ELAPOR2: variants seen among roughly 807,000 people sequenced by gnomAD.
ELAPOR2 encodes the protein endosome/lysosome-associated apoptosis and autophagy regulator family member 2.
Under a neutral mutation model 120.7 loss-of-function variants are expected in ELAPOR2, and 89 were observed. The observed-to-expected ratio is 0.74, with a 90% CI of 0.62 to 0.88. The LOEUF is 0.88. Ranked by LOEUF, ELAPOR2 falls within the 40% of genes least tolerant of loss-of-function variation. The pLI, the probability that ELAPOR2 is intolerant of heterozygous loss-of-function variation, is 0.00. For missense variants in ELAPOR2, 1,134 were observed against 1,251.6 expected (o/e 0.91, Z 1.42); for synonymous variants, 444 against 444.9 (o/e 1.00, Z 0.03).
At position 86,991,189 on chromosome 7, in the gene ELAPOR2, G is replaced by T. The variant is rs548505277; in HGVS notation, c.190-26165C>A. 4.6e-5 allele frequency among the ~76,000 whole-genome samples: 7 copies of T among 152,296 alleles called. No individual in the cohort carries two copies. The South Asian group carries it at 1.5e-3, about 32-fold the overall frequency. On this transcript the variant is annotated intron_variant, in intron 1 of 21. Transcript: ENST00000450689. Reference sequence around the variant, plus strand: ...TATCAGTCCCAAGAACTACCAAAGTGCCTTCACAGACTTGGCACAGAGCAG... The same window carrying T: ...TATCAGTCCCAAGAACTACCAAAGTTCCTTCACAGACTTGGCACAGAGCAG...
intron 2 of ELAPOR2, among the ~76,000 whole-genome samples, chr7:86,948,221 A>G (rs1791084324): frequency 6.6e-6 from 1 of 152,068 alleles, no homozygotes; most frequent in Non-Finnish European, 1.5e-5. Context: ...GGCCAATCCT[A>G]CCTTCTCTAC....
Position 86,968,110 on chromosome 7 carries a change from G to A in ELAPOR2, c.190-3086C>T, listed in dbSNP as rs998729639. On this transcript the variant is annotated intron_variant, in intron 1 of 21. Transcript: ENST00000450689. Reference sequence around the variant, plus strand: ...AAACAGTGTGGTACAGTAAAATTGCGAAAGGTACGATGTATATTTTCCAAA... The same window carrying A: ...AAACAGTGTGGTACAGTAAAATTGCAAAAGGTACGATGTATATTTTCCAAA... Among the ~76,000 whole-genome samples, 7 of 152,232 alleles carry A rather than the reference G, an allele frequency of 4.6e-5. No homozygotes were observed. In the East Asian group the frequency reaches 5.8e-4, roughly 13 times the overall value.
intron 1 of ELAPOR2, among the ~76,000 whole-genome samples, chr7:86,967,974 A>G (rs539713785): frequency 6.6e-6 from 1 of 152,312 alleles, no homozygotes; most frequent in South Asian, 2.1e-4. Context: ...AATGGGTTTT[A>G]TTTTAAATTA....
rs1472539723 is a variant in ELAPOR2 at position 87,059,347 on chromosome 7, C to T, written c.167G>A (p.Arg56His). The change falls in exon 1 of 22, where the codon CGC (arginine) becomes CAC (histidine). Residue 56 changes from arginine to histidine, a missense_variant. Physicochemically the swap from Arg to His is conservative, Grantham distance 29 (BLOSUM62 0). Coordinates refer to ENST00000450689, the MANE Select transcript of ELAPOR2 (RefSeq NM_001142749.3). ...WAGDLPSSSS[R>H]PLPPCQEKDY... Reference sequence around the variant, plus strand: ...CACCTCCTGGCAAGGAGGAAGCGGGCGGCTGGAGGAGGAGGGCAGGTCCCC... The same window carrying T: ...CACCTCCTGGCAAGGAGGAAGCGGGTGGCTGGAGGAGGAGGGCAGGTCCCC... 1.0e-5 allele frequency: 13 copies of T among 1,247,900 alleles called. No homozygotes were observed. The highest frequency in any genetic ancestry group is 8.1e-6 in the Non-Finnish European group (8 of 988,618). 77.3% of individuals were successfully genotyped at this position (1,247,900 alleles called of 1,614,324 possible).
chr7:86,962,412 C>T (rs766517612), intron 2 of ELAPOR2, among the ~76,000 whole-genome samples: 3 of 152,178 alleles, frequency 2.0e-5, no homozygotes, highest in Non-Finnish European at 4.4e-5. Context: ...CCTAAATATT[C>T]GTCACTTACT....
At chr7:87,027,556 C>G (rs891032229) in intron 1 of ELAPOR2, among the ~76,000 whole-genome samples, 5 of 152,142 alleles carry the variant, frequency 3.3e-5, no homozygotes, top group African/African-American at 9.7e-5. Flanking sequence ...TTTGCAGAAG[C>G]AATAGACTTA....
chr7:86,922,287 C>T (rs1789867726), intron 10 of ELAPOR2, among the ~76,000 whole-genome samples: 1 of 151,796 alleles, frequency 6.6e-6, no homozygotes, highest in African/African-American at 2.4e-5. Context: ...TAATGGTATA[C>T]ATAATTTTGT....
intron 1 of ELAPOR2, among the ~76,000 whole-genome samples, chr7:87,023,481 C>T (rs200589756): frequency 0.08 from 12,213 of 151,872 alleles, 555 homozygotes; most frequent in Admixed American, 0.12. Context: ...TCTAGTATAG[C>T]TTGAAGTCAG....
At chr7:86,957,548 A>G (rs796786217) in intron 2 of ELAPOR2, among the ~76,000 whole-genome samples, 35 of 152,350 alleles carry the variant, frequency 2.3e-4, no homozygotes, top group African/African-American at 7.2e-4. Flanking sequence ...AACAATGAAA[A>G]CATATTCTAT....
intron 3 of ELAPOR2, 107 bp downstream of exon 3, chr7:86,947,620 A>G (rs2116385719): frequency 2.0e-6 from 2 of 983,654 alleles, no homozygotes; most frequent in East Asian, 2.6e-5. Flanking sequence ...TAGCTTATCT[A>G]TCACCACAAA....
intron 1 of ELAPOR2, among the ~76,000 whole-genome samples, chr7:87,010,493 T>G (rs979394342): frequency 2.0e-5 from 3 of 152,246 alleles, no homozygotes; most frequent in Non-Finnish European, 2.9e-5. Flanking sequence ...GCATTTCTAC[T>G]GAAGGATCAC....
chr7:87,012,358 C>T (rs1462915062), intron 1 of ELAPOR2, among the ~76,000 whole-genome samples: 1 of 151,954 alleles, frequency 6.6e-6, no homozygotes, highest in African/African-American at 2.4e-5. Context: ...TGCAGTGAGC[C>T]GAGATTGTGC....
intron 1 of ELAPOR2, among the ~76,000 whole-genome samples, chr7:86,972,783 C>T (rs1171898174): frequency 6.6e-6 from 1 of 151,718 alleles, no homozygotes; most frequent in East Asian, 1.9e-4. Context: ...CCCAAAGGTG[C>T]CTTCAGTGGA....
intron 21 of ELAPOR2, among the ~76,000 whole-genome samples, chr7:86,890,805 G>A (rs1052806938): frequency 7.9e-5 from 12 of 151,912 alleles, no homozygotes; most frequent in Admixed American, 1.3e-4. Flanking sequence ...AGGGAAAGAC[G>A]GTTTATTCAT....
chr7:86,943,388 T>C (rs1385946682), intron 4 of ELAPOR2, among the ~76,000 whole-genome samples: 1 of 152,018 alleles, frequency 6.6e-6, no homozygotes, highest in Non-Finnish European at 1.5e-5. Context: ...AATGCCCATA[T>C]GTACAACTCT....
intron 21 of ELAPOR2, 99 bp from the exon 22 acceptor site, chr7:86,880,629 C>CCTATCTAGTTGCCACTT: frequency 1.3e-6 from 1 of 774,358 alleles, no homozygotes; most frequent in South Asian, 1.6e-5. Flanking sequence ...ATCATTTTAA[C>CCTATCTAGTTGCCACTT]CTATCTAGTT....
At chr7:87,022,441 T>C (rs1355495639) in intron 1 of ELAPOR2, among the ~76,000 whole-genome samples, 3 of 152,112 alleles carry the variant, frequency 2.0e-5, no homozygotes, top group African/African-American at 4.8e-5. Context: ...TAGTATTCCA[T>C]GGTGTATATG....
chr7:87,005,798 A>C (rs567780384), intron 1 of ELAPOR2, among the ~76,000 whole-genome samples: 1 of 152,330 alleles, frequency 6.6e-6, no homozygotes, highest in Non-Finnish European at 1.5e-5. Flanking sequence ...CTTCAGTGTT[A>C]AAGTTAAAAC....
chr7:87,006,993 G>T (rs1045056318), intron 1 of ELAPOR2, among the ~76,000 whole-genome samples: 1 of 152,142 alleles, frequency 6.6e-6, no homozygotes, highest in African/African-American at 2.4e-5. Flanking sequence ...TTTATATAAA[G>T]TTCTAAAACC....
Sources: gnomAD v4.1 joint callset for allele counts (sites outside exome capture counted in the v4.1 genomes callset) on GRCh38, gnomAD v4.1.1 for gene constraint, MANE v1.5 for transcripts, NCBI Gene and HGNC (gene_info 2026-07-23, HGNC 2026-07-21) for gene names.